ADAM21: variants seen among roughly 807,000 people sequenced by gnomAD.
The protein encoded by ADAM21 is ADAM metallopeptidase domain 21.
For missense variants in ADAM21, 678 were observed against 874.4 expected (o/e 0.78, Z 2.83); for synonymous variants, 262 against 306.0 (o/e 0.86, Z 1.50).
chr14:70,454,737 C>A (rs1889082788), intron 1 of ADAM21, among the ~76,000 whole-genome samples: 1 of 152,126 alleles, frequency 6.6e-6, no homozygotes, highest in Admixed American at 6.5e-5. Context: ...CTTTAAAAAA[C>A]CCTGTCTTGT....
At position 70,459,191 on chromosome 14, in the gene ADAM21, A is replaced by G. The variant is rs755211099; in HGVS notation, c.1692A>G (p.Gln564=). ...CTGATGTCTTTTGTGGGAGAGTTCA[A>G]TGTGAGAATGTGAGAGACATTCCTC... ...HISDVFCGRV[Q]CENVRDIPLL... The change falls in exon 2 of 2, where the codon CAA becomes CAG. Residue 564 remains glutamine, a synonymous_variant. Coordinates refer to ENST00000603540, the MANE Select transcript of ADAM21 (RefSeq NM_003813.4). 6.2e-6 allele frequency: 10 copies of G among 1,614,010 alleles called. No homozygotes were observed. Among genetic ancestry groups the G allele is most frequent in the Middle Eastern group, 1.6e-4 (1 of 6,062 alleles).
At chr14:70,455,424 G>C (rs1192927062) in intron 1 of ADAM21, among the ~76,000 whole-genome samples, 4 of 152,084 alleles carry the variant, frequency 2.6e-5, no homozygotes, top group South Asian at 2.1e-4. Context: ...AAGATGAGGG[G>C]CCCACTTTAA....
chr14:70,459,646 C>G lies in ADAM21; in HGVS notation c.2147C>G (p.Thr716Ser). ...YLRQCSGPKE[T>S]KAHSSG Reference sequence around the variant, plus strand: ...CGACAATGTTCTGGTCCCAAAGAAACTAAGGCTCATTCATCAGGTTAAGAA... The same window carrying G: ...CGACAATGTTCTGGTCCCAAAGAAAGTAAGGCTCATTCATCAGGTTAAGAA... The change falls in exon 2 of 2, where the codon ACT becomes AGT. Residue 716 changes from threonine (T) to serine (S), a missense_variant. Thr to Ser is a moderately conservative substitution (Grantham distance 58). Transcript: ENST00000603540. 6.2e-7 allele frequency: 1 copy of G among 1,613,992 alleles called. No individual in the cohort carries two copies. The highest frequency in any genetic ancestry group is 1.1e-5 in the South Asian group (1 of 91,076).
Position 70,458,387 on chromosome 14 carries a change from T to G in ADAM21, c.888T>G (p.His296Gln). 6.2e-7 allele frequency: 1 copy of G among 1,614,210 alleles called. No homozygotes were observed. Among genetic ancestry groups the G allele is most frequent in the Non-Finnish European group, 8.5e-7 (1 of 1,180,032 alleles). The change falls in exon 2 of 2, where the codon CAT becomes CAG. Residue 296 changes from histidine (H) to glutamine (Q), a missense_variant. Physicochemically the swap from His to Gln is conservative, Grantham distance 24 (BLOSUM62 0). Transcript: ENST00000603540. ...CCCAGCTACAGCATGATGCTGCACATATGTTCATAAAAAATTCACTTATAA... is the reference window on the plus strand; with the variant it reads ...CCCAGCTACAGCATGATGCTGCACAGATGTTCATAAAAAATTCACTTATAA... ...SLSQLQHDAA[H>Q]MFIKNSLISI...
At position 70,453,407 on chromosome 14, in the gene ADAM21, C is replaced by T. The variant is rs1889065529; in HGVS notation, c.-152+1144C>T. ...ATGCAGAAGAGGGCTGTTGGCTCAC[C>T]TGATAGTCCGCTGACATTAGAGGAC... is the stretch of plus-strand genomic sequence containing the variant. On this transcript the variant is annotated intron_variant, in intron 1 of 1. Transcript: ENST00000603540. 4 of 152,278 alleles carry T rather than the reference C, an allele frequency of 2.6e-5. No individual in the cohort carries two copies. In the South Asian group the frequency reaches 8.3e-4, roughly 32 times the overall value. The allele number at this position is 152,278 out of a possible 1,614,324, so 9.4% of individuals were successfully genotyped here.
chr14:70,457,605 C>G lies in ADAM21; in HGVS notation c.106C>G (p.His36Asp). The part of the protein sequence containing the change: ...SGYCQAGPSQ[H>D]FTSPEVVIPL... ...CTACTGTCAGGCTGGGCCCTCCCAG[C>G]ATTTCACTTCCCCGGAAGTGGTGAT... The change falls in exon 2 of 2, where the codon CAT becomes GAT. Residue 36 changes from histidine (H) to aspartate (D), a missense_variant. By Grantham distance (81) the His-to-Asp change is moderately conservative. Coordinates refer to ENST00000603540, the MANE Select transcript of ADAM21 (RefSeq NM_003813.4). 1 of 1,613,974 alleles carries G rather than the reference C, an allele frequency of 6.2e-7. No individual in the cohort carries two copies. Among genetic ancestry groups the G allele is most frequent in the East Asian group, 2.2e-5 (1 of 44,878 alleles).
In ADAM21 at chr14:70,457,901, A is replaced by G. The variant is rs776509513; in HGVS notation, c.402A>G (p.Gly134=). ...VFSACFGGFR[G]VLKISGLTYE... Reference sequence around the variant, plus strand: ...GTGCTTGTTTTGGGGGCTTTCGAGGAGTATTAAAAATAAGTGGCCTCACTT... The same window carrying G: ...GTGCTTGTTTTGGGGGCTTTCGAGGGGTATTAAAAATAAGTGGCCTCACTT... The change falls in exon 2 of 2, where the codon GGA becomes GGG. Residue 134 remains glycine, a synonymous_variant. Transcript: ENST00000603540. The G allele has an allele frequency of 1.3e-5, 21 of 1,614,068 alleles. No homozygotes were observed. Among genetic ancestry groups the G allele is most frequent in the Non-Finnish European group, 1.8e-5 (21 of 1,180,006 alleles).
At chr14:70,452,861 A>C (rs1889057417) in intron 1 of ADAM21, among the ~76,000 whole-genome samples, 1 of 152,176 alleles carries the variant, frequency 6.6e-6, no homozygotes, top group African/African-American at 2.4e-5. Context: ...TAGAAGATGA[A>C]GATGCAGTTG....
At position 70,458,083 on chromosome 14, in the gene ADAM21, T is replaced by C; in HGVS notation, c.584T>C (p.Leu195Pro). The C allele has an allele frequency of 6.2e-7, 1 of 1,614,126 alleles. No individual in the cohort carries two copies. The highest frequency in any genetic ancestry group is 8.5e-7 in the Non-Finnish European group (1 of 1,180,018). ...LEFEEAENSA[L>P]EPKSAGDWWT... ...TTTGAAGAGGCTGAGAACTCAGCTCTGGAACCAAAATCTGCTGGTGACTGG... is the reference window on the plus strand; with the variant it reads ...TTTGAAGAGGCTGAGAACTCAGCTCCGGAACCAAAATCTGCTGGTGACTGG... Residue 195 changes from leucine (L) to proline (P), a missense_variant, in exon 2 of 2, where the codon CTG becomes CCG. Coordinates refer to ENST00000603540, the MANE Select transcript of ADAM21 (RefSeq NM_003813.4).
Position 70,458,720 on chromosome 14 carries a change from G to A in ADAM21, c.1221G>A (p.Lys407=), listed in dbSNP as rs780712040. Residue 407 remains lysine (K), a synonymous_variant, in exon 2 of 2, where the codon AAG becomes AAA. Transcript: ENST00000603540. ...PPRLGEIFML[K]RCGNGVVERE... is the part of the protein sequence containing the mutation. Reference sequence around the variant, plus strand: ...GATTGGGGGAAATCTTTATGCTAAAGCGCTGTGGGAATGGTGTGGTTGAAA... The same window carrying A: ...GATTGGGGGAAATCTTTATGCTAAAACGCTGTGGGAATGGTGTGGTTGAAA... The A allele has an allele frequency of 4.3e-6, 7 of 1,614,074 alleles. No homozygotes were observed. Among genetic ancestry groups the A allele is most frequent in the Middle Eastern group, 3.3e-4 (2 of 6,062 alleles).
intron 1 of ADAM21, among the ~76,000 whole-genome samples, chr14:70,455,013 C>G (rs765049009): frequency 6.6e-6 from 1 of 152,098 alleles, no homozygotes; most frequent in Non-Finnish European, 1.5e-5. Context: ...CAAGAGGAAG[C>G]CTTTAGGCAA....
At chr14:70,453,626 G>C (rs927394584) in intron 1 of ADAM21, 18 of 152,190 alleles carry the variant, frequency 1.2e-4, no homozygotes, top group Admixed American at 1.3e-4. Flanking sequence ...GGTTGGTGTA[G>C]CTTATCAGTC....
intron 1 of ADAM21, among the ~76,000 whole-genome samples, chr14:70,454,394 C>A (rs989886445): frequency 2.6e-5 from 4 of 152,088 alleles, no homozygotes; most frequent in Non-Finnish European, 2.9e-5. Flanking sequence ...GCCCACCCCC[C>A]ATTCCCCGAC....
chr14:70,458,512 C>T lies in ADAM21; in HGVS notation c.1013C>T (p.Thr338Ile). 8 of 1,612,666 alleles carry T rather than the reference C, an allele frequency of 5.0e-6. No individual in the cohort carries two copies. Among genetic ancestry groups the T allele is most frequent in the Non-Finnish European group, 5.9e-6 (7 of 1,179,446 alleles). ...GATACCTGGTCTCTTTTTGCCAACA[C>T]TGTGGCCCATGAGTTAGGTCATACG... is the stretch of plus-strand genomic sequence containing the variant. ...QGDTWSLFANTVAHELGHTLG... is the reference protein window; with the variant it reads ...QGDTWSLFANIVAHELGHTLG... The change falls in exon 2 of 2, where the codon ACT becomes ATT. Residue 338 changes from threonine to isoleucine, a missense_variant. Coordinates refer to ENST00000603540, the MANE Select transcript of ADAM21 (RefSeq NM_003813.4).
At chr14:70,452,735 G>T (rs1277623197) in intron 1 of ADAM21, among the ~76,000 whole-genome samples, 2 of 152,196 alleles carry the variant, frequency 1.3e-5, no homozygotes, top group African/African-American at 4.8e-5. Context: ...ATTCCAGTTT[G>T]GTTGAGACTG....
chr14:70,459,896 C>G lies in ADAM21; in HGVS notation c.*228C>G. 3.6e-6 allele frequency: 2 copies of G among 549,254 alleles called. No individual in the cohort carries two copies. Among genetic ancestry groups the G allele is most frequent in the South Asian group, 4.2e-5 (2 of 47,636 alleles). The allele number at this position is 549,254 out of a possible 1,614,324, so 34.0% of individuals were successfully genotyped here. On this transcript the variant is annotated 3_prime_UTR_variant, in exon 2 of 2. Coordinates refer to ENST00000603540, the MANE Select transcript of ADAM21 (RefSeq NM_003813.4). ...AGCAGCAAATAAAGCTACATCCTTC[C>G]CTCCCTTTAGTCCTTGTTGTGTTTC... is the stretch of plus-strand genomic sequence containing the variant.
Position 70,457,498 on chromosome 14 carries a change from T to A in ADAM21, c.-2T>A. On this transcript the variant is annotated 5_prime_UTR_variant, in exon 2 of 2. Transcript: ENST00000603540. ...AGATGGCTCCATAACGACAGCTTCA[T>A]AATGGCAGTGGATGGGACCCTCGTG... The A allele has an allele frequency of 1.9e-6, 3 of 1,604,048 alleles. No individual in the cohort carries two copies. Among genetic ancestry groups the A allele is most frequent in the Non-Finnish European group, 8.5e-7 (1 of 1,174,198 alleles).
chr14:70,454,493 T>C (rs1055705765), intron 1 of ADAM21, among the ~76,000 whole-genome samples: 1 of 152,146 alleles, frequency 6.6e-6, no homozygotes, highest in Admixed American at 6.5e-5. Flanking sequence ...GCTGAATGGA[T>C]TGGAAGACAA....
rs1882472972 is a variant in ADAM21, at chr14:70,458,947, A to G, written c.1448A>G (p.Gln483Arg). ...GAATGGTGCAATGGAACATCTCATCAGTGTCCAGAAGATAGATATGTGCAG... is the reference window on the plus strand; with the variant it reads ...GAATGGTGCAATGGAACATCTCATCGGTGTCCAGAAGATAGATATGTGCAG... Reference protein sequence around the residue: ...LPEWCNGTSHQCPEDRYVQDG... With the variant: ...LPEWCNGTSHRCPEDRYVQDG... The change falls in exon 2 of 2, where the codon CAG becomes CGG. Residue 483 changes from glutamine to arginine, a missense_variant. Gln to Arg is a conservative substitution (Grantham distance 43, BLOSUM62 1). Coordinates refer to ENST00000603540, the MANE Select transcript of ADAM21 (RefSeq NM_003813.4). 2.5e-6 allele frequency: 4 copies of G among 1,614,198 alleles called. No individual in the cohort carries two copies. Among genetic ancestry groups the G allele is most frequent in the Non-Finnish European group, 3.4e-6 (4 of 1,180,030 alleles).
Sources: allele counts gnomAD v4.1 joint callset (sites outside exome capture counted in the v4.1 genomes callset), GRCh38; gene constraint gnomAD v4.1.1; transcripts MANE v1.5; gene names NCBI Gene and HGNC (gene_info 2026-07-23, HGNC 2026-07-21).